PRDM6: variants seen among roughly 807,000 people sequenced by gnomAD.
The protein encoded by PRDM6 is putative histone-lysine N-methyltransferase PRDM6.
PRDM6 carries 25 observed loss-of-function variants against 60.8 expected under a neutral mutation model. The ratio of observed to expected loss-of-function variants is 0.41; its 90% CI spans 0.30 to 0.57. The LOEUF (loss-of-function observed/expected upper bound fraction) is 0.57. Among genes scored for constraint, PRDM6 ranks in the 20% least tolerant of loss-of-function variants. The pLI is 0.27. For synonymous variants in PRDM6, 407 were observed against 357.4 expected, an observed-to-expected ratio of 1.14 and a Z score of -1.57; for missense variants, 839 against 821.3, an observed-to-expected ratio of 1.02 and a Z score of -0.26.
intron 5 of PRDM6, among the ~76,000 whole-genome samples, chr5:123,161,309 G>A (rs462210): frequency 0.21 from 31,593 of 152,154 alleles, 3,905 homozygotes; most frequent in African/African-American, 0.34. Flanking sequence ...ATACAGCAGT[G>A]AACAAAATGG....
At chr5:123,162,779 C>T (rs1489214799) in intron 5 of PRDM6, among the ~76,000 whole-genome samples, 1 of 152,172 alleles carries the variant, frequency 6.6e-6, no homozygotes, top group Admixed American at 6.5e-5. Context: ...CAGCAGAAGG[C>T]TTCATCAGAT....
intron 3 of PRDM6, among the ~76,000 whole-genome samples, chr5:123,141,930 C>G (rs749059324): frequency 1.5e-4 from 23 of 152,112 alleles, no homozygotes; most frequent in Non-Finnish European, 2.9e-4. Context: ...CTGATTCACT[C>G]CATGACCATG....
chr5:123,182,344 C>T (rs1766184057), intron 7 of PRDM6, among the ~76,000 whole-genome samples: 2 of 152,214 alleles, frequency 1.3e-5, no homozygotes, highest in South Asian at 4.1e-4. Context: ...GAGAGCTTTT[C>T]AAAAGCAGAG....
chr5:123,111,760 T>G (rs1764322120), intron 3 of PRDM6, among the ~76,000 whole-genome samples: 1 of 152,028 alleles, frequency 6.6e-6, no homozygotes, highest in Admixed American at 6.6e-5. Flanking sequence ...CCCCTTGTGG[T>G]TGTTTGCCCC....
In PRDM6 at chr5:123,135,451, C is replaced by T. The variant is rs189530070; in HGVS notation, c.901-20433C>T. ...TGTAAGAGTGAATGCAGACATTTCT[C>T]CACTCAGGTGGCTTGTGCATGTCCA... On this transcript the variant is annotated intron_variant, in intron 3 of 7. Transcript: ENST00000407847. Among the ~76,000 whole-genome samples the T allele has an allele frequency of 9.9e-5, 15 of 152,264 alleles. No homozygotes were observed. The East Asian group carries it at 1.2e-3, about 12-fold the overall frequency.
chr5:123,090,251 C>T lies in PRDM6; in HGVS notation c.237C>T (p.Ala79=). Residue 79 remains alanine, a synonymous_variant, in exon 2 of 8, where the codon GCC becomes GCT. Coordinates refer to ENST00000407847, the MANE Select transcript of PRDM6 (RefSeq NM_001136239.4). ...LRPRPASLSS[A]SSTPASSSTS... ...CGCGGCCCGCCTCTCTCTCCTCCGC[C>T]TCGTCCACGCCGGCTTCCTCTTCCA... 1.3e-6 allele frequency: 2 copies of T among 1,487,350 alleles called. No homozygotes were observed. Among genetic ancestry groups the T allele is most frequent in the Non-Finnish European group, 1.8e-6 (2 of 1,118,980 alleles). The allele number at this position is 1,487,350 out of a possible 1,614,324, so 92.1% of individuals were successfully genotyped here. A position where few individuals can be genotyped will look rare whatever the true frequency, so the allele number is the denominator to read the frequency against.
At chr5:123,125,269 T>C (rs1764670602) in intron 3 of PRDM6, among the ~76,000 whole-genome samples, 2 of 152,106 alleles carry the variant, frequency 1.3e-5, no homozygotes, top group Admixed American at 1.3e-4. Flanking sequence ...GCTGGGCTTA[T>C]AGTACATTTT....
intron 7 of PRDM6, among the ~76,000 whole-genome samples, 153 bp downstream of exon 7, chr5:123,180,476 T>C (rs1766127424): frequency 6.6e-6 from 1 of 152,246 alleles, no homozygotes; most frequent in Non-Finnish European, 1.5e-5. Flanking sequence ...CCTTGTTTAG[T>C]GGCTGACATT....
Position 123,193,704 on chromosome 5 carries a change from A to T in PRDM6, c.*6503A>T, listed in dbSNP as rs1766472905. ...GGAAACTTAATGTCCCAAGTTAATT[A>T]TTTTTTTTATATCAAGGGGAAGACA... is the stretch of plus-strand genomic sequence containing the variant. On this transcript the variant is annotated 3_prime_UTR_variant, in exon 8 of 8. Coordinates refer to ENST00000407847, the MANE Select transcript of PRDM6 (RefSeq NM_001136239.4). 2 of 151,916 alleles carry T rather than the reference A, an allele frequency of 1.3e-5. No individual in the cohort carries two copies. Among genetic ancestry groups the T allele is most frequent in the Non-Finnish European group, 2.9e-5 (2 of 68,010 alleles). 9.4% of individuals were successfully genotyped at this position (151,916 alleles called of 1,614,324 possible).
In PRDM6 at chr5:123,121,210, C is replaced by T. The variant is rs573369257; in HGVS notation, c.900+21249C>T. On this transcript the variant is annotated intron_variant, in intron 3 of 7. Coordinates refer to ENST00000407847, the MANE Select transcript of PRDM6 (RefSeq NM_001136239.4). ...CAAGCCACCAAGAAGCTTTTTTTAC[C>T]TATGTTTTTATAGAAATTTCAAACA... Among the ~76,000 whole-genome samples, 109 of 152,198 alleles carry T rather than the reference C, an allele frequency of 7.2e-4. No individual in the cohort carries two copies. In the South Asian group the frequency reaches 0.023, roughly 32 times the overall value.
intron 1 of PRDM6, 121 bp downstream of exon 1, chr5:123,089,640 G>C: frequency 4.3e-6 from 1 of 230,242 alleles, no homozygotes. Context: ...GGCCAACGCG[G>C]CTCGGGCGCT....
At chr5:123,122,917 T>G (rs1764611654) in intron 3 of PRDM6, among the ~76,000 whole-genome samples, 1 of 152,192 alleles carries the variant, frequency 6.6e-6, no homozygotes, top group Admixed American at 6.5e-5. Flanking sequence ...TCCCAGCATA[T>G]GGATATGGCC....
At chr5:123,128,496 G>C (rs1764744196) in intron 3 of PRDM6, among the ~76,000 whole-genome samples, 1 of 152,214 alleles carries the variant, frequency 6.6e-6, no homozygotes, top group African/African-American at 2.4e-5. Flanking sequence ...TTATGGTTTT[G>C]ATTTGCATTT....
At chr5:123,142,877 C>CAAAAAAAAAAAAAAAAAAAAAAAAAAA in intron 3 of PRDM6, among the ~76,000 whole-genome samples, 3 of 27,366 alleles carry the variant, frequency 1.1e-4, no homozygotes, top group African/African-American at 1.7e-4. Flanking sequence ...CAGTGAAGAC[C>CAAAAAAAAAAAAAAAAAAAAAAAAAAA]AAAAAAAAAA....
intron 2 of PRDM6, among the ~76,000 whole-genome samples, chr5:123,097,954 T>C (rs1372431642): frequency 6.6e-6 from 1 of 152,218 alleles, no homozygotes; most frequent in East Asian, 1.9e-4. Context: ...AGCTGCTGAC[T>C]GAGGCAAAGG....
At chr5:123,172,345 T>C (rs1765911104) in intron 6 of PRDM6, among the ~76,000 whole-genome samples, 1 of 152,234 alleles carries the variant, frequency 6.6e-6, no homozygotes, top group Non-Finnish European at 1.5e-5. Flanking sequence ...TCAACATTGC[T>C]GTAGCTAATT....
chr5:123,122,030 G>A (rs1481396877), intron 3 of PRDM6, among the ~76,000 whole-genome samples: 4 of 151,380 alleles, frequency 2.6e-5, no homozygotes, highest in Non-Finnish European at 5.9e-5. Flanking sequence ...GGGCGTGGTG[G>A]CGGGCGCCTG....
intron 2 of PRDM6, among the ~76,000 whole-genome samples, chr5:123,097,620 T>TG (rs1763986477): frequency 6.6e-6 from 1 of 152,058 alleles, no homozygotes; most frequent in African/African-American, 2.4e-5. Context: ...CAAAATGTCT[T>TG]GAAGTTTTTA....
chr5:123,185,679 G>C (rs763893541), intron 7 of PRDM6, among the ~76,000 whole-genome samples: 1 of 152,176 alleles, frequency 6.6e-6, no homozygotes, highest in African/African-American at 2.4e-5. Flanking sequence ...GACACACTCC[G>C]CTGGTGCAGG....
Sources: gnomAD v4.1 joint callset for allele counts (sites outside exome capture counted in the v4.1 genomes callset) on GRCh38, gnomAD v4.1.1 for gene constraint, MANE v1.5 for transcripts, NCBI Gene and HGNC (gene_info 2026-07-23, HGNC 2026-07-21) for gene names.